TSACC: variants seen among roughly 807,000 people sequenced by gnomAD.
TSACC encodes TSSK6 activating cochaperone.
In TSACC, 3 loss-of-function variants were observed where a neutral mutation model predicts 6.9. The ratio of observed to expected loss-of-function variants is 0.43; its 90% CI spans 0.20 to 1.12. TSACC has a LOEUF of 1.12. Among genes scored for constraint, TSACC ranks in the 50% most tolerant of loss-of-function variants. The pLI, the probability that TSACC is intolerant of heterozygous loss-of-function variation, is 0.28. For missense variants in TSACC, 137 were observed against 143.9 expected (o/e 0.95, Z 0.24); for synonymous variants, 54 against 55.1 (o/e 0.98, Z 0.09).
rs779509733 is a variant in TSACC at position 156,346,882 on chromosome 1, C to A, written c.278C>A (p.Ser93Tyr). The change falls in exon 4 of 4, where the codon TCT becomes TAT. Residue 93 changes from serine to tyrosine, a missense_variant. Ser to Tyr is a moderately radical substitution (Grantham distance 144). Transcript: ENST00000368254. ...GCTGTTTTGGAACATTTACAGGCAT[C>A]TGTGACACAACTGGCTCCTGGGAGG... ...QMAVLEHLQA[S>Y]VTQLAPGRGS... The A allele has an allele frequency of 5.6e-6, 9 of 1,614,086 alleles. No homozygotes were observed. Among genetic ancestry groups the A allele is most frequent in the Non-Finnish European group, 7.6e-6 (9 of 1,180,040 alleles).
At chr1:156,342,389 C>T (rs1665945607) in intron 2 of TSACC, among the ~76,000 whole-genome samples, 1 of 152,208 alleles carries the variant, frequency 6.6e-6, no homozygotes, top group African/African-American at 2.4e-5. Flanking sequence ...CCAAGAGTGA[C>T]TGACAGAACA....
chr1:156,340,553 C>A (rs7545042), intron 2 of TSACC, among the ~76,000 whole-genome samples: 93 of 151,680 alleles, frequency 6.1e-4, no homozygotes, highest in African/African-American at 2.2e-3. Flanking sequence ...CCTCTGCCTC[C>A]CGGGTTCAAG....
chr1:156,344,101 G>A (rs1191578625), intron 2 of TSACC, among the ~76,000 whole-genome samples: 2 of 152,022 alleles, frequency 1.3e-5, no homozygotes, highest in Non-Finnish European at 2.9e-5. Context: ...GAGTTCTCTC[G>A]CTACTCATAT....
At chr1:156,338,229 C>A (rs1217062037), upstream of TSACC, 13 of 1,562,792 alleles carry the variant, frequency 8.3e-6, no homozygotes, top group African/African-American at 5.4e-5. Context: ...GGGGAACCGG[C>A]AGAACCTTCT....
At chr1:156,346,593 T>G (rs1666196193) in intron 3 of TSACC, among the ~76,000 whole-genome samples, 175 bp from the exon 4 acceptor site, 1 of 152,146 alleles carries the variant, frequency 6.6e-6, no homozygotes, top group African/African-American at 2.4e-5. Context: ...CAAATTAAAA[T>G]AGGATAGCCA....
Position 156,346,936 on chromosome 1 carries a change from T to C in TSACC, c.332T>C (p.Leu111Ser). The change falls in exon 4 of 4, where the codon TTA becomes TCA. Residue 111 changes from leucine to serine, a missense_variant. Leu to Ser is a moderately radical substitution (Grantham distance 145). Coordinates refer to ENST00000368254, the MANE Select transcript of TSACC (RefSeq NM_001304817.2). ...AGCAATAACTCTTCTCTCCCAGCCT[T>C]ATCTCCTAATCCATTGTTAAATCAC... ...RGSNNSSLPA[L>S]SPNPLLNHLP... is the part of the protein sequence containing the mutation. The C allele has an allele frequency of 6.2e-7, 1 of 1,614,220 alleles. No homozygotes were observed.
chr1:156,338,586 G>A lies in TSACC; in HGVS notation c.-144G>A. ...TCTAGGGTTGGGTGCTGGGGTTGCG[G>A]CTTTCGGTTAACACCGCAGGTGAGG... On this transcript the variant is annotated 5_prime_UTR_variant, in exon 1 of 4. Coordinates refer to ENST00000368254, the MANE Select transcript of TSACC (RefSeq NM_001304817.2). 3.5e-6 allele frequency: 1 copy of A among 282,698 alleles called. No homozygotes were observed. Among genetic ancestry groups the A allele is most frequent in the African/African-American group, 2.2e-5 (1 of 46,412 alleles). 17.5% of individuals were successfully genotyped at this position (282,698 alleles called of 1,614,324 possible). A position where few individuals can be genotyped will look rare whatever the true frequency, so the allele number is the denominator to read the frequency against.
chr1:156,341,785 C>T (rs767816235), intron 2 of TSACC, among the ~76,000 whole-genome samples: 2 of 152,030 alleles, frequency 1.3e-5, no homozygotes, highest in Admixed American at 6.5e-5. Context: ...CATTCTTGGC[C>T]GGGCGCAGTG....
At chr1:156,340,713 G>A (rs1054814127) in intron 2 of TSACC, among the ~76,000 whole-genome samples, 6 of 152,060 alleles carry the variant, frequency 3.9e-5, no homozygotes, top group South Asian at 2.1e-4. Context: ...CGCCTGCCTC[G>A]GCCTCCCGAA....
intron 3 of TSACC, 76 bp from the exon 4 acceptor site, chr1:156,346,692 G>A: frequency 7.0e-7 from 1 of 1,421,232 alleles, no homozygotes; most frequent in Non-Finnish European, 9.9e-7. Context: ...TTTTATTAGG[G>A]TCCTTCCAAC....
chr1:156,338,270 A>G, upstream of TSACC: 1 of 1,399,044 alleles, frequency 7.1e-7, no homozygotes, highest in Non-Finnish European at 9.9e-7. Flanking sequence ...AAGCCCAGAA[A>G]ACGCTGCCTC....
In TSACC at chr1:156,342,089, A is replaced by G. The variant is rs553040145; in HGVS notation, c.34+2298A>G. Among the ~76,000 whole-genome samples the G allele has an allele frequency of 4.9e-4, 75 of 152,242 alleles. 1 individual carries two copies. In the South Asian group the frequency reaches 0.015, roughly 30 times the overall value. On this transcript the variant is annotated intron_variant, in intron 2 of 3. Coordinates refer to ENST00000368254, the MANE Select transcript of TSACC (RefSeq NM_001304817.2). ...AAAAAAAAAAAAAAAGAAAGAAAAAAAAATGCATTCTCCTATGTCCAGGAA... is the reference window on the plus strand; with the variant it reads ...AAAAAAAAAAAAAAAGAAAGAAAAAGAAATGCATTCTCCTATGTCCAGGAA...
upstream of TSACC, chr1:156,338,384 GC>G (rs1156893206): frequency 1.7e-6 from 1 of 586,194 alleles, no homozygotes; most frequent in Admixed American, 2.9e-5. Flanking sequence ...CCTTAGTCCC[GC>G]CCCCTACGCA....
At chr1:156,337,848 G>C (rs1665506210), upstream of TSACC, 2 of 488,958 alleles carry the variant, frequency 4.1e-6, no homozygotes, top group Non-Finnish European at 7.3e-6. Context: ...AATCAGGCTA[G>C]AAAGGGCGCA....
At chr1:156,339,924 T>G in intron 2 of TSACC, 133 bp downstream of exon 2, 1 of 879,818 alleles carries the variant, frequency 1.1e-6, no homozygotes, top group Non-Finnish European at 1.8e-6. Context: ...TCAGTAATTA[T>G]TTGTTAAATG....
chr1:156,346,763 T>A lies in TSACC; in HGVS notation c.164-5T>A. On this transcript the variant is annotated splice_region_variant and splice_polypyrimidine_tract_variant and intron_variant, in intron 3 of 3. Coordinates refer to ENST00000368254, the MANE Select transcript of TSACC (RefSeq NM_001304817.2). ...CTTGCACCTCCGTTGCTTTTCCTTCTGGAGTTGATCACAAGCCCAAGGAAT... is the reference window on the plus strand; with the variant it reads ...CTTGCACCTCCGTTGCTTTTCCTTCAGGAGTTGATCACAAGCCCAAGGAAT... 6.2e-7 allele frequency: 1 copy of A among 1,613,716 alleles called. No homozygotes were observed. The highest frequency in any genetic ancestry group is 2.2e-5 in the East Asian group (1 of 44,878).
chr1:156,346,948 C>T lies in TSACC; in HGVS notation c.344C>T (p.Pro115Leu), dbSNP rs1160176760. 12 of 1,614,034 alleles carry T rather than the reference C, an allele frequency of 7.4e-6. No homozygotes were observed. The highest frequency in any genetic ancestry group is 1.3e-5 in the African/African-American group (1 of 74,908). The change falls in exon 4 of 4, where the codon CCA becomes CTA. Residue 115 changes from proline (P) to leucine (L), a missense_variant. Pro to Leu is a moderately conservative substitution (Grantham distance 98, BLOSUM62 -3). Transcript: ENST00000368254. ...TCTCTCCCAGCCTTATCTCCTAATC[C>T]ATTGTTAAATCACCTGCCCCAATTC... is the stretch of plus-strand genomic sequence containing the variant. Reference protein sequence around the residue: ...NSSLPALSPNPLLNHLPQFSK With the variant: ...NSSLPALSPNLLLNHLPQFSK
intron 2 of TSACC, among the ~76,000 whole-genome samples, chr1:156,341,556 T>C (rs572866126): frequency 2.6e-5 from 4 of 152,318 alleles, no homozygotes; most frequent in African/African-American, 9.6e-5. Context: ...AGAGAATGTA[T>C]GTAAAGCACC....
At chr1:156,345,291 G>A (rs1045615446) in intron 3 of TSACC, among the ~76,000 whole-genome samples, 1 of 152,216 alleles carries the variant, frequency 6.6e-6, no homozygotes, top group Non-Finnish European at 1.5e-5. Flanking sequence ...GGCTGGGCAC[G>A]GTAGCTCATC....
Sources: gnomAD v4.1 joint callset for allele counts (sites outside exome capture counted in the v4.1 genomes callset) on GRCh38, gnomAD v4.1.1 for gene constraint, MANE v1.5 for transcripts, NCBI Gene and HGNC (gene_info 2026-07-23, HGNC 2026-07-21) for gene names.